CA4: variants seen among roughly 807,000 people sequenced by gnomAD.
The protein encoded by CA4 is CA-IV.
CA4 carries 24 observed loss-of-function variants against 34.5 expected under a neutral mutation model. The ratio of observed to expected loss-of-function variants is 0.70; its 90% CI spans 0.50 to 0.98. The LOEUF is 0.98. Ranked by LOEUF, CA4 falls within the 50% of genes least tolerant of loss-of-function variation. The probability of loss-of-function intolerance (pLI) is 0.00; values close to 1 mark genes in which losing one functional copy is unlikely to be tolerated. For missense variants in CA4, 394 were observed against 396.7 expected (o/e 0.99, Z 0.06); for synonymous variants, 178 against 170.6 (o/e 1.04, Z -0.34).
At chr17:60,175,502 G>C (rs2145322066), downstream of CA4, among the ~76,000 whole-genome samples, 1 of 150,744 alleles carries the variant, frequency 6.6e-6, no homozygotes, top group South Asian at 2.1e-4. Context: ...CTGGGAGGTT[G>C]AGGCTGCAGT....
At position 60,155,241 on chromosome 17, in the gene CA4, C is replaced by G. The variant is rs1015166924; in HGVS notation, c.59-73C>G. 4.1e-5 allele frequency: 59 copies of G among 1,429,230 alleles called. No homozygotes were observed. In the Admixed American group the frequency reaches 8.9e-4, roughly 22 times the overall value. 88.5% of individuals were successfully genotyped at this position (1,429,230 alleles called of 1,614,324 possible). On this transcript the variant is annotated intron_variant, in intron 1 of 7. Transcript: ENST00000300900. ...GCTCCAACCCCAGGGGTAGGCCCAGCCTCTGATCCTCCTGTGTGTGTGAGC... is the reference window on the plus strand; with the variant it reads ...GCTCCAACCCCAGGGGTAGGCCCAGGCTCTGATCCTCCTGTGTGTGTGAGC...
At chr17:60,167,355 G>T (rs116110156) in intron 5 of CA4, among the ~76,000 whole-genome samples, 1 of 152,172 alleles carries the variant, frequency 6.6e-6, no homozygotes, top group African/African-American at 2.4e-5. Context: ...TGAAGTCTAC[G>T]TGCTAGCCAA....
downstream of CA4, among the ~76,000 whole-genome samples, chr17:60,160,162 T>C (rs2083769036): frequency 6.6e-6 from 1 of 152,042 alleles, no homozygotes; most frequent in African/African-American, 2.4e-5. Context: ...CTGGAGGCCA[T>C]ATACTGAGGC....
At chr17:60,154,052 G>A (rs1238501310) in intron 1 of CA4, among the ~76,000 whole-genome samples, 1 of 152,160 alleles carries the variant, frequency 6.6e-6, no homozygotes, top group Non-Finnish European at 1.5e-5. Flanking sequence ...CAAGAAGATG[G>A]GACTGTGGGG....
At chr17:60,167,250 G>A (rs1351783166) in intron 5 of CA4, among the ~76,000 whole-genome samples, 2 of 152,190 alleles carry the variant, frequency 1.3e-5, no homozygotes, top group Non-Finnish European at 2.9e-5. Flanking sequence ...CATGGGTGCA[G>A]AAATCGCCAG....
At position 60,156,983 on chromosome 17, in the gene CA4, G is replaced by A. The variant is rs763020914; in HGVS notation, c.268+268G>A. ...AAGGCGCGGAGGCATGGAACAGCTC[G>A]GCGTGTTCAGAGGACTGCCAGGAGC... On this transcript the variant is annotated intron_variant, in intron 3 of 7. Transcript: ENST00000300900. 3.1e-5 allele frequency: 17 copies of A among 555,338 alleles called. 1 individual carries two copies. Among genetic ancestry groups the A allele is most frequent in the East Asian group, 9.5e-5 (3 of 31,516 alleles). The allele number at this position is 555,338 out of a possible 1,614,324, so 34.4% of individuals were successfully genotyped here. A position where few individuals can be genotyped will look rare whatever the true frequency, so the allele number is the denominator to read the frequency against.
rs1389760938 is a variant in CA4 at position 60,158,587 on chromosome 17, C to G, written c.744+141C>G. ...GTCCGTTGTTAATCATCGACATTCA[C>G]TGAAGACAGGCAAGAAAAGCCTGAG... On this transcript the variant is annotated intron_variant, in intron 7 of 7. Coordinates refer to ENST00000300900, the MANE Select transcript of CA4 (RefSeq NM_000717.5). 5 of 820,750 alleles carry G rather than the reference C, an allele frequency of 6.1e-6. No individual in the cohort carries two copies. The East Asian group carries it at 1.3e-4, about 22-fold the overall frequency. The allele number at this position is 820,750 out of a possible 1,614,324, so 50.8% of individuals were successfully genotyped here. A position where few individuals can be genotyped will look rare whatever the true frequency, so the allele number is the denominator to read the frequency against.
chr17:60,159,583 C>A, downstream of CA4: 1 of 791,460 alleles, frequency 1.3e-6, no homozygotes, highest in Non-Finnish European at 2.1e-6. Flanking sequence ...CCACAACTAC[C>A]CCACCCTGTC....
downstream of CA4, among the ~76,000 whole-genome samples, chr17:60,174,178 T>A (rs1482947505): frequency 6.6e-6 from 1 of 152,130 alleles, no homozygotes; most frequent in African/African-American, 2.4e-5. Flanking sequence ...CTGAAAACTT[T>A]CGTTTACAGC....
intron 6 of CA4, 34 bp from the exon 7 acceptor site, chr17:60,158,249 C>T: frequency 1.1e-5 from 18 of 1,612,744 alleles, no homozygotes; most frequent in Non-Finnish European, 1.5e-5. Flanking sequence ...CCTTCTCCCA[C>T]CCTCACTGAC....
At chr17:60,162,583 ACAC>A (rs1436964446), downstream of CA4, among the ~76,000 whole-genome samples, 17 of 151,722 alleles carry the variant, frequency 1.1e-4, no homozygotes, top group Admixed American at 7.2e-4. Context: ...ACACACACAC[ACAC>A]ACCAGCCTTC....
chr17:60,153,148 G>T (rs2145256633), intron 1 of CA4, among the ~76,000 whole-genome samples: 1 of 152,236 alleles, frequency 6.6e-6, no homozygotes, highest in South Asian at 2.1e-4. Context: ...GACCAGCCTG[G>T]TCAACATGGT....
intron 2 of CA4, among the ~76,000 whole-genome samples, chr17:60,155,586 AAC>A (rs985532865): frequency 2.7e-5 from 4 of 147,204 alleles, no homozygotes; most frequent in African/African-American, 1.0e-4. Flanking sequence ...CTCACACAGA[AAC>A]ACACACACAA....
downstream of CA4, among the ~76,000 whole-genome samples, chr17:60,174,093 C>T (rs753321642): frequency 2.6e-5 from 4 of 151,500 alleles, no homozygotes; most frequent in Admixed American, 2.0e-4. Context: ...AAGCTCTGTG[C>T]CTACTTACAT....
At chr17:60,175,569 T>TAAA (rs879729768), downstream of CA4, among the ~76,000 whole-genome samples, 6 of 117,434 alleles carry the variant, frequency 5.1e-5, no homozygotes, top group Non-Finnish European at 8.8e-5. Context: ...TGTCTCTATT[T>TAAA]AAAAAAAAAA....
chr17:60,157,639 G>GCCCTTC (rs1555572280), intron 4 of CA4, 51 bp from the exon 5 acceptor site: 1 of 1,612,552 alleles, frequency 6.2e-7, no homozygotes, highest in Non-Finnish European at 8.5e-7. Flanking sequence ...GGGCAAGGAG[G>GCCCTTC]GTAGTCCAGG....
intron 2 of CA4, 126 bp downstream of exon 2, chr17:60,155,493 C>T (rs1356213563): frequency 3.1e-6 from 2 of 654,626 alleles, no homozygotes; most frequent in Non-Finnish European, 5.4e-6. Flanking sequence ...TATCAGTTCC[C>T]AGCATACACA....
intron 5 of CA4, among the ~76,000 whole-genome samples, chr17:60,166,217 C>T (rs559226727): frequency 1.8e-3 from 272 of 152,298 alleles, no homozygotes; most frequent in Non-Finnish European, 3.1e-3. Flanking sequence ...ATTTCCTCCT[C>T]GCTGACTCAG....
At chr17:60,154,708 A>G (rs1272105799) in intron 1 of CA4, among the ~76,000 whole-genome samples, 2 of 152,138 alleles carry the variant, frequency 1.3e-5, no homozygotes, top group African/African-American at 4.8e-5. Flanking sequence ...GCCTGTCCCC[A>G]GAGATCAGGA....
Sources: allele counts gnomAD v4.1 joint callset (sites outside exome capture counted in the v4.1 genomes callset), GRCh38; gene constraint gnomAD v4.1.1; transcripts MANE v1.5; gene names NCBI Gene and HGNC (gene_info 2026-07-23, HGNC 2026-07-21).